FGF12: variants seen among roughly 807,000 people sequenced by gnomAD.
FGF12 encodes fibroblast growth factor 12.
Under a neutral mutation model 23.6 loss-of-function variants are expected in FGF12, and 14 were observed. That is an observed-to-expected ratio of 0.59 (90% CI 0.39 to 0.93). The LOEUF (loss-of-function observed/expected upper bound fraction) is 0.93. FGF12 is among the 40% of genes least tolerant of loss of function. The pLI is 0.00. For missense variants in FGF12, 175 were observed against 217.8 expected (o/e 0.80, Z 1.24); for synonymous variants, 62 against 77.3 (o/e 0.80, Z 1.04).
At chr3:192,306,811 A>G (rs1715675273) in intron 4 of FGF12, among the ~76,000 whole-genome samples, 1 of 152,224 alleles carries the variant, frequency 6.6e-6, no homozygotes. Context: ...CTGGATAATG[A>G]ATGGATTTAA....
At chr3:192,515,766 CG>C in intron 2 of FGF12, among the ~76,000 whole-genome samples, 1 of 151,930 alleles carries the variant, frequency 6.6e-6, no homozygotes, top group South Asian at 2.1e-4. Flanking sequence ...CAGCCCGCCC[CG>C]ATGACCAAAC....
At chr3:192,616,040 A>T (rs1714743228) in intron 2 of FGF12, among the ~76,000 whole-genome samples, 2 of 151,922 alleles carry the variant, frequency 1.3e-5, no homozygotes, top group South Asian at 2.1e-4. Context: ...TGCTTACAAA[A>T]TTTTTTTCTT....
At chr3:192,203,413 T>A (rs1291942147) in intron 4 of FGF12, among the ~76,000 whole-genome samples, 1 of 152,164 alleles carries the variant, frequency 6.6e-6, no homozygotes, top group East Asian at 1.9e-4. Flanking sequence ...TTGAAAAGTA[T>A]AAACAAAGTT....
intron 4 of FGF12, among the ~76,000 whole-genome samples, chr3:192,260,561 A>G (rs929327076): frequency 2.6e-5 from 4 of 152,198 alleles, no homozygotes; most frequent in Non-Finnish European, 4.4e-5. Flanking sequence ...CAGAATTTAC[A>G]CATGTGATGT....
chr3:192,368,143 C>G (rs1719068417), intron 2 of FGF12, among the ~76,000 whole-genome samples: 1 of 151,990 alleles, frequency 6.6e-6, no homozygotes. Context: ...AAATCCAAAA[C>G]CAGACTTTCA....
At chr3:192,652,161 C>T (rs77805866) in intron 2 of FGF12, among the ~76,000 whole-genome samples, 3,345 of 152,254 alleles carry the variant, frequency 0.022, 60 homozygotes, top group Non-Finnish European at 0.032. Flanking sequence ...GAATTGTATG[C>T]CATGGGCACA....
At chr3:192,332,639 T>G (rs1717182010) in intron 4 of FGF12, among the ~76,000 whole-genome samples, 1 of 152,200 alleles carries the variant, frequency 6.6e-6, no homozygotes, top group Non-Finnish European at 1.5e-5. Context: ...AACAAGGGAA[T>G]TACTTCCTAT....
intron 2 of FGF12, among the ~76,000 whole-genome samples, chr3:192,585,305 G>A (rs192110655): frequency 6.6e-6 from 1 of 152,156 alleles, no homozygotes; most frequent in East Asian, 1.9e-4. Flanking sequence ...TATAACCCAG[G>A]TCTCTTCAAC....
intron 4 of FGF12, among the ~76,000 whole-genome samples, chr3:192,275,327 A>C (rs1713711932): frequency 6.6e-6 from 1 of 152,048 alleles, no homozygotes; most frequent in South Asian, 2.1e-4. Context: ...TTCCTCCTGC[A>C]TTAACCTTTG....
rs76939113 is a variant in FGF12 at position 192,480,282 on chromosome 3, A to G, written c.14-119744T>C. Among the ~76,000 whole-genome samples the G allele has an allele frequency of 3.1e-3, 470 of 152,186 alleles. 3 individuals are homozygous for G. Among genetic ancestry groups the G allele is most frequent in the African/African-American group, 0.011 (463 of 41,518 alleles). ...CTTCTCACCCTTGCCAACAAAACCT[A>G]TTTTTCTCCCACAAAACCTGGACTA... On this transcript the variant is annotated intron_variant, in intron 2 of 5. Transcript: ENST00000445105.
At chr3:192,498,500 C>A (rs1724027011) in intron 2 of FGF12, among the ~76,000 whole-genome samples, 2 of 152,306 alleles carry the variant, frequency 1.3e-5, no homozygotes, top group Non-Finnish European at 1.5e-5. Flanking sequence ...AGGAATTAAA[C>A]CCTGATTGGG....
intron 4 of FGF12, among the ~76,000 whole-genome samples, chr3:192,176,787 C>G (rs568590760): frequency 3.3e-5 from 5 of 152,252 alleles, no homozygotes; most frequent in Non-Finnish European, 7.4e-5. Context: ...CAAATAACAA[C>G]CATTCATTTA....
At chr3:192,223,955 G>A (rs1718601556) in intron 4 of FGF12, among the ~76,000 whole-genome samples, 1 of 152,052 alleles carries the variant, frequency 6.6e-6, no homozygotes, top group Non-Finnish European at 1.5e-5. Context: ...GAAAGACAAA[G>A]TGTATAGAGT....
chr3:192,220,091 A>G (rs1718394109), intron 4 of FGF12, among the ~76,000 whole-genome samples: 1 of 151,842 alleles, frequency 6.6e-6, no homozygotes, highest in Non-Finnish European at 1.5e-5. Flanking sequence ...TCTTATCTTG[A>G]CAATTGAATC....
At chr3:192,700,907 T>C (rs1263563562) in intron 2 of FGF12, among the ~76,000 whole-genome samples, 2 of 152,202 alleles carry the variant, frequency 1.3e-5, no homozygotes, top group Non-Finnish European at 2.9e-5. Context: ...AGTATGTTAC[T>C]CCAAAATATA....
chr3:192,246,842 GAGAGAGAGAGGAAA>G (rs1711613054), intron 4 of FGF12, among the ~76,000 whole-genome samples: 1 of 144,118 alleles, frequency 6.9e-6, no homozygotes, highest in Non-Finnish European at 1.5e-5. Flanking sequence ...AAAAAAAGGA[GAGAGAGAGAGGAAA>G]GAGAGAGAGA....
intron 2 of FGF12, among the ~76,000 whole-genome samples, chr3:192,512,661 T>G (rs1204489323): frequency 2.0e-5 from 3 of 151,384 alleles, no homozygotes; most frequent in Non-Finnish European, 3.0e-5. Context: ...AACAGTCTTC[T>G]GATACAAAAC....
chr3:192,539,762 T>C (rs899128590), intron 2 of FGF12, among the ~76,000 whole-genome samples: 1 of 152,118 alleles, frequency 6.6e-6, no homozygotes, highest in African/African-American at 2.4e-5. Flanking sequence ...AAATTCACCA[T>C]TGAAGCCATC....
intron 2 of FGF12, among the ~76,000 whole-genome samples, chr3:192,596,847 A>C (rs1713879073): frequency 6.6e-6 from 1 of 152,224 alleles, no homozygotes; most frequent in African/African-American, 2.4e-5. Context: ...CCAATTAATC[A>C]GCATCAGATA....
Sources: allele counts gnomAD v4.1 joint callset (sites outside exome capture counted in the v4.1 genomes callset), GRCh38; gene constraint gnomAD v4.1.1; transcripts MANE v1.5; gene names NCBI Gene and HGNC (gene_info 2026-07-23, HGNC 2026-07-21).